The following GMDS variants were observed in gnomAD, a reference collection of about 807,000 sequenced individuals.
GMDS encodes GDP-mannose 4,6-dehydratase.
GMDS carries 20 observed loss-of-function variants against 49.9 expected under a neutral mutation model. The observed-to-expected ratio is 0.40, with a 90% CI of 0.28 to 0.58. The LOEUF is 0.58. Ranked by LOEUF, GMDS falls within the 20% of genes least tolerant of loss-of-function variation. GMDS has a pLI of 0.42. For missense variants in GMDS, 362 were observed against 481.4 expected, an observed-to-expected ratio of 0.75 and a Z score of 2.32; for synonymous variants, 177 against 178.6, an observed-to-expected ratio of 0.99 and a Z score of 0.07.
chr6:1,796,714 T>C (rs892249057), intron 7 of GMDS, among the ~76,000 whole-genome samples: 3 of 152,202 alleles, frequency 2.0e-5, no homozygotes, highest in Non-Finnish European at 4.4e-5. Flanking sequence ...AAAATATTAA[T>C]TTGCTGTGTT....
intron 4 of GMDS, among the ~76,000 whole-genome samples, chr6:1,978,323 G>A (rs1378417793): frequency 1.3e-5 from 2 of 152,174 alleles, no homozygotes; most frequent in Non-Finnish European, 2.9e-5. Flanking sequence ...GCATGTATTA[G>A]GGACAGAGCT....
At chr6:2,244,388 A>G (rs1035328241) in intron 1 of GMDS, among the ~76,000 whole-genome samples, 2 of 152,192 alleles carry the variant, frequency 1.3e-5, no homozygotes, top group African/African-American at 4.8e-5. Flanking sequence ...TGTATTAGCC[A>G]TTATCACCTT....
At chr6:2,015,326 A>C (rs577180284) in intron 4 of GMDS, among the ~76,000 whole-genome samples, 4 of 152,236 alleles carry the variant, frequency 2.6e-5, no homozygotes, top group African/African-American at 9.6e-5. Flanking sequence ...AAATTCAAAA[A>C]ACAGAAATTA....
At chr6:1,751,381 G>C (rs1486245848) in intron 7 of GMDS, among the ~76,000 whole-genome samples, 1 of 152,242 alleles carries the variant, frequency 6.6e-6, no homozygotes, top group Non-Finnish European at 1.5e-5. Flanking sequence ...GAAGGAACAG[G>C]CAGCAATCTT....
At chr6:1,665,970 G>A (rs1011160606) in intron 9 of GMDS, among the ~76,000 whole-genome samples, 2 of 152,196 alleles carry the variant, frequency 1.3e-5, no homozygotes, top group African/African-American at 4.8e-5. Flanking sequence ...TCTGGAGACC[G>A]TATTTTTAAT....
chr6:2,205,253 G>A (rs1057369969), intron 1 of GMDS, among the ~76,000 whole-genome samples: 1 of 152,156 alleles, frequency 6.6e-6, no homozygotes, highest in African/African-American at 2.4e-5. Flanking sequence ...AGAGCTGTAT[G>A]TTCTTTGCTT....
chr6:1,740,193 TAG>T (rs901414324), intron 8 of GMDS, among the ~76,000 whole-genome samples: 15 of 152,160 alleles, frequency 9.9e-5, no homozygotes, highest in Admixed American at 3.3e-4. Flanking sequence ...TAAAATATGT[TAG>T]AGAGTTATTA....
chr6:2,218,405 T>G (rs772231576), intron 1 of GMDS, among the ~76,000 whole-genome samples: 6 of 152,124 alleles, frequency 3.9e-5, no homozygotes, highest in African/African-American at 7.2e-5. Context: ...GGGATGAAGA[T>G]ATCTTTGACC....
intron 9 of GMDS, among the ~76,000 whole-genome samples, chr6:1,680,990 C>T (rs944572733): frequency 1.3e-5 from 2 of 152,194 alleles, no homozygotes; most frequent in African/African-American, 4.8e-5. Context: ...CTGTTGCCTC[C>T]TCGGCAGGGA....
At chr6:2,178,513 C>A (rs949892050) in intron 1 of GMDS, among the ~76,000 whole-genome samples, 4 of 152,092 alleles carry the variant, frequency 2.6e-5, no homozygotes, top group African/African-American at 9.7e-5. Flanking sequence ...CATGAAAGAT[C>A]CACCCCCATG....
intron 4 of GMDS, among the ~76,000 whole-genome samples, chr6:2,113,563 G>A (rs368719576): frequency 3.3e-5 from 5 of 151,684 alleles, no homozygotes; most frequent in African/African-American, 7.3e-5. Flanking sequence ...TATTACCCCC[G>A]TTTCAACTAT....
At chr6:1,749,714 T>C (rs1767649706) in intron 7 of GMDS, among the ~76,000 whole-genome samples, 1 of 152,222 alleles carries the variant, frequency 6.6e-6, no homozygotes, top group African/African-American at 2.4e-5. Context: ...TAATAGGTAA[T>C]ACTATTTTAT....
At position 1,810,426 on chromosome 6, in the gene GMDS, G is replaced by A. The variant is rs1770368903; in HGVS notation, c.772-67840C>T. 3.9e-5 allele frequency among the ~76,000 whole-genome samples: 6 copies of A among 152,126 alleles called. No homozygotes were observed. The South Asian group carries it at 1.2e-3, about 32-fold the overall frequency. ...GCCTCCTGAGTAGATGGGACTACAG[G>A]TGTGTGCCACCACACCTGGCTAATT... On this transcript the variant is annotated intron_variant, in intron 7 of 10. Transcript: ENST00000380815.
rs146447558 is a variant in GMDS, at chr6:1,762,970, T to G, written c.772-20384A>C. Among the ~76,000 whole-genome samples the G allele has an allele frequency of 2.3e-3, 355 of 152,322 alleles. 2 individuals are homozygous for G. Among genetic ancestry groups the G allele is most frequent in the African/African-American group, 8.2e-3 (343 of 41,576 alleles). On this transcript the variant is annotated intron_variant, in intron 7 of 10. Coordinates refer to ENST00000380815, the MANE Select transcript of GMDS (RefSeq NM_001500.4). ...TCAAAACCATGTTTTAGAAAGCTGG[T>G]AGTTTTAAAGTGCTAGTGTATGTAC...
At chr6:2,028,184 C>T (rs752126951) in intron 4 of GMDS, among the ~76,000 whole-genome samples, 4 of 152,144 alleles carry the variant, frequency 2.6e-5, no homozygotes, top group East Asian at 3.8e-4. Flanking sequence ...ACACAAACAG[C>T]GCCTCATTCC....
Position 1,778,331 on chromosome 6 carries a change from T to G in GMDS, c.772-35745A>C, listed in dbSNP as rs1303208797. Among the ~76,000 whole-genome samples the G allele has an allele frequency of 6.6e-6, 1 of 152,170 alleles. No homozygotes were observed. The highest frequency in any genetic ancestry group is 1.5e-5 in the Non-Finnish European group (1 of 68,028). ...AGTGACAATGTGGATAATTGCCTGT[T>G]TAGGATAATGGAATACTGATTGAAG... is the stretch of plus-strand genomic sequence containing the variant. On this transcript the variant is annotated intron_variant, in intron 7 of 10. Coordinates refer to ENST00000380815, the MANE Select transcript of GMDS (RefSeq NM_001500.4). This position sits in a 1 kb window ranked among gnomAD's most constrained non-coding sequence, Gnocchi z 4.6.
chr6:2,171,510 T>C (rs1778005421), intron 1 of GMDS, among the ~76,000 whole-genome samples: 1 of 152,048 alleles, frequency 6.6e-6, no homozygotes, highest in Non-Finnish European at 1.5e-5. Flanking sequence ...TGGAGAAAAA[T>C]TAAAATCCAG....
At chr6:2,026,567 T>C (rs1384432516) in intron 4 of GMDS, among the ~76,000 whole-genome samples, 1 of 152,228 alleles carries the variant, frequency 6.6e-6, no homozygotes, top group African/African-American at 2.4e-5. Context: ...AGACAGAAAC[T>C]TGTTGTGAAT....
chr6:1,810,159 C>T (rs1409279853), intron 7 of GMDS, among the ~76,000 whole-genome samples: 1 of 152,070 alleles, frequency 6.6e-6, no homozygotes, highest in Non-Finnish European at 1.5e-5. Context: ...AGGGAGCTGG[C>T]TAACTGCGTA....
Sources: allele counts gnomAD v4.1 joint callset (sites outside exome capture counted in the v4.1 genomes callset), GRCh38; gene constraint gnomAD v4.1.1; non-coding constraint Gnocchi (gnomAD v3.1); transcripts MANE v1.5; gene names NCBI Gene and HGNC (gene_info 2026-07-23, HGNC 2026-07-21).